The following QTMAN variants were observed in gnomAD, a reference collection of about 807,000 sequenced individuals.
QTMAN encodes tRNA-queuosine alpha-mannosyltransferase.
the QTMAN span, among the ~76,000 whole-genome samples, chr2:144,279,554 C>T: frequency 6.6e-6 from 1 of 152,082 alleles, no homozygotes; most frequent in African/African-American, 2.4e-5. Flanking sequence ...TAAAACATTC[C>T]CTGGCCTCAT....
At chr2:144,318,151 C>T in the QTMAN span, among the ~76,000 whole-genome samples, 2 of 150,250 alleles carry the variant, frequency 1.3e-5, no homozygotes, top group Non-Finnish European at 3.0e-5. Flanking sequence ...TTAAATTTAC[C>T]TTATCTATAA....
chr2:144,305,347 GT>G, the QTMAN span, among the ~76,000 whole-genome samples: 113 of 152,250 alleles, frequency 7.4e-4, no homozygotes, highest in Admixed American at 1.4e-3. Flanking sequence ...AGCACCATCT[GT>G]TGAAAAGACT....
chr2:143,958,451 G>T, the QTMAN span, among the ~76,000 whole-genome samples: 19 of 152,124 alleles, frequency 1.2e-4, no homozygotes, highest in Non-Finnish European at 2.2e-4. Context: ...ATGCATGCGT[G>T]TAAAACCATA....
At chr2:144,153,657 C>T in the QTMAN span, among the ~76,000 whole-genome samples, 1 of 152,192 alleles carries the variant, frequency 6.6e-6, no homozygotes, top group East Asian at 1.9e-4. Context: ...CACCACTGCA[C>T]TCCAGCCTGG....
chr2:144,293,205 C>T, the QTMAN span, among the ~76,000 whole-genome samples: 1 of 151,928 alleles, frequency 6.6e-6, no homozygotes, highest in African/African-American at 2.4e-5. Flanking sequence ...TATTTTAGAA[C>T]ATACAAAAAG....
the QTMAN span, among the ~76,000 whole-genome samples, chr2:144,097,486 G>A: frequency 2.0e-5 from 3 of 152,044 alleles, no homozygotes; most frequent in Non-Finnish European, 2.9e-5. Flanking sequence ...CTTGTCCCCA[G>A]TGTGTCTGTT....
the QTMAN span, among the ~76,000 whole-genome samples, chr2:144,192,021 G>A: frequency 6.6e-6 from 1 of 152,094 alleles, no homozygotes; most frequent in Non-Finnish European, 1.5e-5. Context: ...AATACTTGAA[G>A]TAAAGGGTGA....
the QTMAN span, chr2:143,970,610 T>C: frequency 1.0e-5 from 10 of 965,554 alleles, no homozygotes; most frequent in Middle Eastern, 2.1e-4. Flanking sequence ...GTAGAGCTTA[T>C]GTCATCTATA....
At chr2:144,083,542 T>C in the QTMAN span, among the ~76,000 whole-genome samples, 100 of 152,286 alleles carry the variant, frequency 6.6e-4, no homozygotes, top group African/African-American at 2.3e-3. Flanking sequence ...TGTTATGCAA[T>C]AGAACAAAGC....
the QTMAN span, among the ~76,000 whole-genome samples, chr2:144,089,769 G>C: frequency 6.6e-6 from 1 of 151,876 alleles, no homozygotes; most frequent in African/African-American, 2.4e-5. Context: ...GACTGGGAAG[G>C]GAGAGTGGGG....
chr2:144,152,771 G>A, the QTMAN span, among the ~76,000 whole-genome samples: 1 of 152,114 alleles, frequency 6.6e-6, no homozygotes, highest in African/African-American at 2.4e-5. Flanking sequence ...AATTTAAGAA[G>A]TATAAGATAT....
At chr2:144,262,334 T>C in the QTMAN span, among the ~76,000 whole-genome samples, 3 of 151,920 alleles carry the variant, frequency 2.0e-5, no homozygotes, top group Non-Finnish European at 4.4e-5. Context: ...GCTGTAACAA[T>C]GAAGCACAAT....
chr2:144,148,377 AATT>A, the QTMAN span, among the ~76,000 whole-genome samples: 6 of 151,994 alleles, frequency 3.9e-5, no homozygotes, highest in African/African-American at 1.4e-4. Flanking sequence ...GGTGTGTAGT[AATT>A]CATAGCTTCA....
At chr2:144,039,153 A>G in the QTMAN span, among the ~76,000 whole-genome samples, 3 of 152,324 alleles carry the variant, frequency 2.0e-5, no homozygotes, top group Admixed American at 2.0e-4. Context: ...CTTCCCTTAA[A>G]TAAGTTTTAG....
chr2:144,108,704 T>C, the QTMAN span, among the ~76,000 whole-genome samples: 1 of 147,182 alleles, frequency 6.8e-6, no homozygotes, highest in African/African-American at 2.7e-5. Context: ...GATAAGCAAC[T>C]TCAGCAAAGT....
the QTMAN span, among the ~76,000 whole-genome samples, chr2:144,132,659 C>A: frequency 2.0e-5 from 3 of 151,978 alleles, no homozygotes; most frequent in African/African-American, 7.2e-5. Context: ...CAGTCTCTAT[C>A]TTTTTATTTA....
At chr2:144,019,134 CT>C in the QTMAN span, among the ~76,000 whole-genome samples, 468 of 152,166 alleles carry the variant, frequency 3.1e-3, 2 homozygotes, top group African/African-American at 0.011. Context: ...CCTTTCTGCC[CT>C]TAATGACACA....
the QTMAN span, among the ~76,000 whole-genome samples, chr2:144,284,979 T>C: frequency 7.0e-6 from 1 of 141,880 alleles, no homozygotes; most frequent in Non-Finnish European, 1.5e-5. Flanking sequence ...AGTGGAGCAC[T>C]CCCGTAGTCC....
At chr2:144,207,137 C>T in the QTMAN span, among the ~76,000 whole-genome samples, 1 of 152,114 alleles carries the variant, frequency 6.6e-6, no homozygotes, top group Non-Finnish European at 1.5e-5. Context: ...ACAATATTCA[C>T]TTAGTGATAT....
Sources: gnomAD v4.1 joint callset for allele counts (sites outside exome capture counted in the v4.1 genomes callset) on GRCh38, gnomAD v4.1.1 for gene constraint, MANE v1.5 for transcripts, NCBI Gene and HGNC (gene_info 2026-07-23, HGNC 2026-07-21) for gene names.